PCDHGA1: variants seen among roughly 807,000 people sequenced by gnomAD.
PCDHGA1 encodes the protein protocadherin gamma-A1.
In PCDHGA1, 32 loss-of-function variants were observed where a neutral mutation model predicts 58.0. That is an observed-to-expected ratio of 0.55 (90% CI 0.42 to 0.74). The LOEUF is 0.74. Ranked by LOEUF, PCDHGA1 falls within the 30% of genes least tolerant of loss-of-function variation. The pLI, the probability that PCDHGA1 is intolerant of heterozygous loss-of-function variation, is 0.00. For missense variants in PCDHGA1, 1,205 were observed against 1,182.3 expected, an observed-to-expected ratio of 1.02 and a Z score of -0.28; for synonymous variants, 498 against 501.1, an observed-to-expected ratio of 0.99 and a Z score of 0.08.
At chr5:141,362,420 A>T in intron 1 of PCDHGA1, 1 of 1,614,046 alleles carries the variant, frequency 6.2e-7, no homozygotes, top group Non-Finnish European at 8.5e-7. Context: ...CAATCAGCCA[A>T]GACAGAGTTC....
intron 1 of PCDHGA1, chr5:141,403,402 A>T: frequency 6.2e-7 from 1 of 1,614,076 alleles, no homozygotes; most frequent in Non-Finnish European, 8.5e-7. Flanking sequence ...TTCCTGGAGC[A>T]CGTTATCCAC....
At chr5:141,344,948 A>C in intron 1 of PCDHGA1, 1 of 1,613,890 alleles carries the variant, frequency 6.2e-7, no homozygotes, top group Non-Finnish European at 8.5e-7. Context: ...CAATATTAAA[A>C]AGTCTAGATT....
intron 1 of PCDHGA1, chr5:141,388,238 C>T (rs546808390): frequency 4.8e-5 from 77 of 1,607,582 alleles, no homozygotes; most frequent in Non-Finnish European, 6.4e-5. Flanking sequence ...ACTTTTATCA[C>T]GTGAATGTGG....
At chr5:141,381,850 G>T (rs1777668389) in intron 1 of PCDHGA1, among the ~76,000 whole-genome samples, 3 of 33,314 alleles carry the variant, frequency 9.0e-5, no homozygotes, top group Non-Finnish European at 5.3e-5. Flanking sequence ...TTTTTTTTTG[G>T]CAGAGTTTTG....
Position 141,385,136 on chromosome 5 carries a change from T to C in PCDHGA1, c.2421+52031T>C, listed in dbSNP as rs760226388. The C allele has an allele frequency of 1.2e-6, 2 of 1,614,180 alleles. No individual in the cohort carries two copies. Among genetic ancestry groups the C allele is most frequent in the Middle Eastern group, 1.6e-4 (1 of 6,062 alleles). ...TCGCACTTTGTGGGCATGGACGGGG[T>C]GCAGGCTTTCCTGCAGACCTATTCC... On this transcript the variant is annotated intron_variant, in intron 1 of 3. Transcript: ENST00000517417.
chr5:141,501,130 G>C (rs528942194), intron 2 of PCDHGA1, among the ~76,000 whole-genome samples: 1 of 152,218 alleles, frequency 6.6e-6, no homozygotes, highest in South Asian at 2.1e-4. Flanking sequence ...GCCTCCCTAA[G>C]TGCTGGGATT....
At chr5:141,349,576 T>C (rs919403109) in intron 1 of PCDHGA1, among the ~76,000 whole-genome samples, 1 of 152,194 alleles carries the variant, frequency 6.6e-6, no homozygotes, top group African/African-American at 2.4e-5. Context: ...GGCTGTGATT[T>C]CCTCTTTTTT....
chr5:141,499,634 C>A (rs1194596079), intron 2 of PCDHGA1, among the ~76,000 whole-genome samples: 1 of 151,220 alleles, frequency 6.6e-6, no homozygotes, highest in Non-Finnish European at 1.5e-5. Flanking sequence ...TCTTTTGAAG[C>A]AAATCTCAGA....
intron 1 of PCDHGA1, chr5:141,340,940 A>G: frequency 6.2e-7 from 1 of 1,613,662 alleles, no homozygotes; most frequent in Non-Finnish European, 8.5e-7. Flanking sequence ...TCTCTCCGCC[A>G]CTGTCACGCT....
intron 1 of PCDHGA1, chr5:141,478,456 T>A (rs371773090): frequency 3.1e-6 from 5 of 1,613,366 alleles, no homozygotes; most frequent in African/African-American, 2.7e-5. Context: ...GTGCAGCCAG[T>A]CCACTGGCCA....
At chr5:141,388,376 C>T in intron 1 of PCDHGA1, 3 of 1,613,944 alleles carry the variant, frequency 1.9e-6, no homozygotes, top group Non-Finnish European at 2.5e-6. Context: ...ATATTGGTAG[C>T]AACACACTGC....
intron 1 of PCDHGA1, among the ~76,000 whole-genome samples, chr5:141,349,454 G>A (rs1758297521): frequency 6.6e-6 from 1 of 152,140 alleles, no homozygotes; most frequent in Non-Finnish European, 1.5e-5. Flanking sequence ...ATAAAAGCAT[G>A]TATGTGTACC....
At chr5:141,427,239 G>C (rs1160872088) in intron 1 of PCDHGA1, 1 of 456,746 alleles carries the variant, frequency 2.2e-6, no homozygotes, top group East Asian at 6.9e-5. Flanking sequence ...GAGAGTAGAA[G>C]CTAAGGATGG....
intron 1 of PCDHGA1, chr5:141,413,293 C>G: frequency 6.2e-7 from 1 of 1,613,946 alleles, no homozygotes; most frequent in South Asian, 1.1e-5. Context: ...CTACTCAATT[C>G]CTGAGGAATT....
At position 141,493,482 on chromosome 5, in the gene PCDHGA1, G is replaced by A. The variant is rs184736387; in HGVS notation, c.2422-1325G>A. ...TTTTAGGACCTTACATGTGGGGAAA[G>A]TCTTCTGTGGCTCCTCATTTCTGAG... On this transcript the variant is annotated intron_variant, in intron 1 of 3. Coordinates refer to ENST00000517417, the MANE Select transcript of PCDHGA1 (RefSeq NM_018912.3). This position sits in a 1 kb window ranked among gnomAD's most constrained non-coding sequence, Gnocchi z 4.3. Among the ~76,000 whole-genome samples the A allele has an allele frequency of 1.5e-3, 229 of 152,324 alleles. No homozygotes were observed. Among genetic ancestry groups the A allele is most frequent in the Non-Finnish European group, 2.2e-3 (147 of 68,030 alleles).
chr5:141,487,933 A>ACCCTGTG lies in PCDHGA1; in HGVS notation c.2422-6873_2422-6872insCCTGTGC. 1.6e-6 allele frequency: 1 copy of ACCCTGTG among 612,004 alleles called. No individual in the cohort carries two copies. The highest frequency in any genetic ancestry group is 1.8e-5 in the African/African-American group (1 of 54,216). The allele number at this position is 612,004 out of a possible 1,614,324, so 37.9% of individuals were successfully genotyped here. On this transcript the variant is annotated intron_variant, in intron 1 of 3. Coordinates refer to ENST00000517417, the MANE Select transcript of PCDHGA1 (RefSeq NM_018912.3). The surrounding 1 kb of genome is among the most constrained non-coding windows in gnomAD (Gnocchi z 5.0). ...CACAGGAGGCTACAGTGCACAGGGT[A>ACCCTGTG]CAGTGCACCAGGCAGTCACTTGGAC... is the stretch of plus-strand genomic sequence containing the variant.
At chr5:141,418,357 G>T (rs375883635) in intron 1 of PCDHGA1, 2 of 1,613,864 alleles carry the variant, frequency 1.2e-6, no homozygotes, top group African/African-American at 2.7e-5. Flanking sequence ...GTATGAATTC[G>T]CTGAGCAAAT....
At chr5:141,482,768 CTGA>C (rs2099572195) in intron 1 of PCDHGA1, among the ~76,000 whole-genome samples, 1 of 126,868 alleles carries the variant, frequency 7.9e-6, no homozygotes, top group Admixed American at 7.7e-5. Flanking sequence ...TTCATTATCA[CTGA>C]ACCTTAAACT....
chr5:141,389,084 T>C (rs376665735), intron 1 of PCDHGA1: 12 of 1,613,880 alleles, frequency 7.4e-6, no homozygotes, highest in Admixed American at 1.7e-5. Flanking sequence ...GAAACACGTA[T>C]AAATTAGTGA....
Sources: allele counts gnomAD v4.1 joint callset (sites outside exome capture counted in the v4.1 genomes callset), GRCh38; gene constraint gnomAD v4.1.1; non-coding constraint Gnocchi (gnomAD v3.1); transcripts MANE v1.5; gene names NCBI Gene and HGNC (gene_info 2026-07-23, HGNC 2026-07-21).